Variants in BMPR1B observed in about 807,000 individuals in gnomAD.
The protein encoded by BMPR1B is bone morphogenetic protein receptor type-1B.
In BMPR1B, 12 loss-of-function variants were observed where a neutral mutation model predicts 59.1. The ratio of observed to expected loss-of-function variants is 0.20; its 90% confidence interval spans 0.13 to 0.33. The LOEUF (loss-of-function observed/expected upper bound fraction) is 0.33. BMPR1B is among the 10% of genes least tolerant of loss of function. The pLI is 1.00. For missense variants in BMPR1B, 550 were observed against 610.9 expected (o/e 0.90, Z 1.05); for synonymous variants, 237 against 207.3 (o/e 1.14, Z -1.23).
At chr4:94,970,164 A>G (rs1730717408) in intron 2 of BMPR1B, among the ~76,000 whole-genome samples, 2 of 152,120 alleles carry the variant, frequency 1.3e-5, no homozygotes, top group African/African-American at 2.4e-5. Context: ...AAGTGCTAGG[A>G]TATTCTATTG....
chr4:95,061,670 C>T (rs374511714), intron 3 of BMPR1B, among the ~76,000 whole-genome samples: 11 of 152,148 alleles, frequency 7.2e-5, no homozygotes, highest in South Asian at 4.1e-4. Context: ...GTACTAGAGT[C>T]CCAGGACAGA....
intron 2 of BMPR1B, among the ~76,000 whole-genome samples, chr4:94,921,070 A>G (rs961286075): frequency 6.6e-6 from 1 of 152,144 alleles, no homozygotes. Flanking sequence ...GAACTTTAAC[A>G]AAGAGCTGTA....
chr4:95,047,957 C>T (rs1726167512), intron 3 of BMPR1B, among the ~76,000 whole-genome samples: 1 of 152,120 alleles, frequency 6.6e-6, no homozygotes, highest in Admixed American at 6.5e-5. Context: ...GTGTCTCCTT[C>T]CCCACTCCAG....
chr4:95,149,016 A>C, intron 11 of BMPR1B, 93 bp downstream of exon 11: 2 of 1,501,788 alleles, frequency 1.3e-6, no homozygotes, highest in Non-Finnish European at 1.8e-6. Context: ...TACTGTCTAT[A>C]AGATCTGGTT....
intron 1 of BMPR1B, among the ~76,000 whole-genome samples, chr4:94,768,415 C>T (rs984512647): frequency 2.6e-5 from 4 of 152,098 alleles, no homozygotes; most frequent in African/African-American, 7.2e-5. Context: ...ATCCGACTAT[C>T]AGAATTGCAG....
chr4:95,082,301 G>A (rs985431063), intron 3 of BMPR1B, among the ~76,000 whole-genome samples: 1 of 151,498 alleles, frequency 6.6e-6, no homozygotes, highest in African/African-American at 2.4e-5. Context: ...AACGTAAAAG[G>A]GTCCCAAGAA....
intron 1 of BMPR1B, among the ~76,000 whole-genome samples, chr4:94,769,156 A>G (rs1338124541): frequency 6.6e-6 from 1 of 152,186 alleles, no homozygotes; most frequent in Non-Finnish European, 1.5e-5. Flanking sequence ...GGAAGGTGTA[A>G]TGTAGTTTAA....
At chr4:94,840,798 G>A (rs1725028057) in intron 1 of BMPR1B, among the ~76,000 whole-genome samples, 1 of 148,720 alleles carries the variant, frequency 6.7e-6, no homozygotes, top group Admixed American at 6.7e-5. Context: ...TTGTTCCGTT[G>A]CTGGTGAGGA....
chr4:95,131,561 C>T (rs1362485290), intron 10 of BMPR1B, 49 bp downstream of exon 10: 19 of 1,597,822 alleles, frequency 1.2e-5, no homozygotes, highest in East Asian at 4.5e-5. Context: ...TTTTCTGTTA[C>T]TTTTTATTTT....
chr4:94,840,815 T>G (rs1434997278), intron 1 of BMPR1B, among the ~76,000 whole-genome samples: 1 of 148,808 alleles, frequency 6.7e-6, no homozygotes, highest in Non-Finnish European at 1.5e-5. Flanking sequence ...AGGAACTGCG[T>G]TCCTTTGGAG....
At chr4:94,876,659 ACCT>A (rs1726743001) in intron 2 of BMPR1B, among the ~76,000 whole-genome samples, 1 of 152,068 alleles carries the variant, frequency 6.6e-6, no homozygotes, top group Non-Finnish European at 1.5e-5. Context: ...TTACATTGAG[ACCT>A]CCTGATCTTT....
At chr4:95,072,593 A>G (rs1225720963) in intron 3 of BMPR1B, among the ~76,000 whole-genome samples, 1 of 152,182 alleles carries the variant, frequency 6.6e-6, no homozygotes, top group Non-Finnish European at 1.5e-5. Context: ...ATTCTTCACC[A>G]TGATATTTTT....
chr4:95,116,386 T>C (rs1464512755), intron 6 of BMPR1B, among the ~76,000 whole-genome samples: 2 of 139,560 alleles, frequency 1.4e-5, no homozygotes, highest in Non-Finnish European at 3.0e-5. Flanking sequence ...ACAGGTCTCA[T>C]GTTCCCTTTC....
Position 94,768,593 on chromosome 4 carries a change from A to G in BMPR1B, c.-183+10525A>G, listed in dbSNP as rs578084446. Among the ~76,000 whole-genome samples the G allele has an allele frequency of 2.6e-5, 4 of 152,288 alleles. No individual in the cohort carries two copies. The East Asian group carries it at 5.8e-4, about 22-fold the overall frequency. On this transcript the variant is annotated intron_variant, in intron 1 of 12. Coordinates refer to ENST00000515059, the MANE Select transcript of BMPR1B (RefSeq NM_001203.3). ...CTTTTTCTCTGAGCCAAAAAAATTA[A>G]AATACACTCATTTCTATTGTGAATA... is the stretch of plus-strand genomic sequence containing the variant.
intron 2 of BMPR1B, among the ~76,000 whole-genome samples, chr4:94,928,598 C>T (rs1293329643): frequency 6.6e-6 from 1 of 150,800 alleles, no homozygotes; most frequent in African/African-American, 2.4e-5. Context: ...TTGGCAAGTC[C>T]CTTAGTAATA....
intron 3 of BMPR1B, among the ~76,000 whole-genome samples, chr4:95,019,996 T>C (rs1000973033): frequency 9.2e-5 from 14 of 152,212 alleles, no homozygotes; most frequent in Non-Finnish European, 1.9e-4. Context: ...TATACAAGCT[T>C]GGGTGTTATG....
intron 2 of BMPR1B, among the ~76,000 whole-genome samples, chr4:94,884,838 A>G (rs1578760258): frequency 6.6e-6 from 1 of 152,162 alleles, no homozygotes; most frequent in South Asian, 2.1e-4. Flanking sequence ...CCAGCTCTTG[A>G]ATGTGGGCTG....
At chr4:94,929,779 C>T (rs946021610) in intron 2 of BMPR1B, among the ~76,000 whole-genome samples, 2 of 152,030 alleles carry the variant, frequency 1.3e-5, no homozygotes, top group African/African-American at 4.8e-5. Context: ...TCCTCACGTC[C>T]TATGATTTCT....
At chr4:94,862,556 C>G (rs1168781364) in intron 1 of BMPR1B, among the ~76,000 whole-genome samples, 2 of 151,236 alleles carry the variant, frequency 1.3e-5, no homozygotes, top group Non-Finnish European at 3.0e-5. Context: ...GTAATCCTAG[C>G]ACTTTGGGAG....
Sources: gnomAD v4.1 joint callset for allele counts (sites outside exome capture counted in the v4.1 genomes callset) on GRCh38, gnomAD v4.1.1 for gene constraint, MANE v1.5 for transcripts, NCBI Gene and HGNC (gene_info 2026-07-23, HGNC 2026-07-21) for gene names.